CD163: variants seen among roughly 807,000 people sequenced by gnomAD.
CD163 encodes the protein CD163 molecule.
In CD163, 64 loss-of-function variants were observed where a neutral mutation model predicts 129.2. The ratio of observed to expected loss-of-function variants is 0.50; its 90% CI spans 0.41 to 0.61. The LOEUF (loss-of-function observed/expected upper bound fraction) is 0.61. Ranked by LOEUF, CD163 falls within the 20% of genes least tolerant of loss-of-function variation. CD163 has a pLI of 0.00. For synonymous variants in CD163, 446 were observed against 478.5 expected, an observed-to-expected ratio of 0.93 and a Z score of 0.89; for missense variants, 1,061 against 1,377.9, an observed-to-expected ratio of 0.77 and a Z score of 3.64.
In CD163 at chr12:7,502,539, C is replaced by G; in HGVS notation, c.72G>C (p.Leu24Phe). The G allele has an allele frequency of 6.3e-7, 1 of 1,592,802 alleles. No homozygotes were observed. Among genetic ancestry groups the G allele is most frequent in the Non-Finnish European group, 8.6e-7 (1 of 1,164,652 alleles). Residue 24 changes from leucine (L) to phenylalanine (F), a missense_variant, in exon 2 of 17, where the codon TTG (leucine) becomes TTC (phenylalanine). Coordinates refer to ENST00000432237, the MANE Select transcript of CD163 (RefSeq NM_203416.4). ...AGACCACAGTAATGGTGAAGGGACT[C>G]AAGTTGACAAAATGTCTTCTGAAGT... The part of the protein sequence containing the change: ...SADFRRHFVN[L>F]SPFTITVVLL...
At chr12:7,480,702 C>CA (rs1033654614) in intron 15 of CD163, 16 of 228,460 alleles carry the variant, frequency 7.0e-5, no homozygotes, top group Admixed American at 6.3e-4. Context: ...AAGAACAACA[C>CA]AAAAAAGGGT....
intron 16 of CD163, chr12:7,473,325 A>C (rs2136679361): frequency 6.6e-6 from 1 of 152,338 alleles, no homozygotes; most frequent in Non-Finnish European, 1.5e-5. Context: ...CACCAGAGAG[A>C]AACGTCAGGT....
chr12:7,498,946 C>G lies in CD163; in HGVS notation c.700G>C (p.Ala234Pro). The G allele has an allele frequency of 6.2e-7, 1 of 1,614,114 alleles. No individual in the cohort carries two copies. Among genetic ancestry groups the G allele is most frequent in the Non-Finnish European group, 8.5e-7 (1 of 1,180,004 alleles). The stretch of plus-strand genomic sequence containing the variant: ...CCTTGATGTTTGCAGTTCCAGAGAG[C>G]TGACTCATTTCCGTTGCATATAAGA... ...DDLICNGNESALWNCKHQGWG... is the reference protein window; with the variant it reads ...DDLICNGNESPLWNCKHQGWG... The change falls in exon 4 of 17, where the codon GCT becomes CCT. Residue 234 changes from alanine (A) to proline (P), a missense_variant. Physicochemically the swap from Ala to Pro is conservative, Grantham distance 27. Coordinates refer to ENST00000432237, the MANE Select transcript of CD163 (RefSeq NM_203416.4).
At chr12:7,501,587 TA>T in intron 2 of CD163, 125 bp from the exon 3 acceptor site, 1 of 679,518 alleles carries the variant, frequency 1.5e-6, no homozygotes, top group Non-Finnish European at 2.5e-6. Context: ...CTATCCATGG[TA>T]AAACAGAAGA....
intron 4 of CD163, among the ~76,000 whole-genome samples, chr12:7,497,914 C>A (rs12315251): frequency 1.8e-4 from 27 of 152,226 alleles, no homozygotes; most frequent in East Asian, 9.7e-4. Flanking sequence ...TGTAGGAGTT[C>A]CATTCATTGT....
chr12:7,475,822 G>A (rs757057688), intron 16 of CD163, among the ~76,000 whole-genome samples: 1 of 152,128 alleles, frequency 6.6e-6, no homozygotes. Context: ...TGACATAATT[G>A]TATATTTAGA....
Position 7,479,927 on chromosome 12 carries a change from G to C in CD163, c.3344-14C>G. 1.2e-6 allele frequency: 2 copies of C among 1,612,366 alleles called. No homozygotes were observed. Among genetic ancestry groups the C allele is most frequent in the Non-Finnish European group, 1.7e-6 (2 of 1,179,244 alleles). On this transcript the variant is annotated splice_polypyrimidine_tract_variant and intron_variant, in intron 15 of 16. Transcript: ENST00000432237. Reference sequence around the variant, plus strand: ...CAGAATGGCCTCCTTTTCCATTCCAGAAATAGGAAGAAATTTAGACACAGA... The same window carrying C: ...CAGAATGGCCTCCTTTTCCATTCCACAAATAGGAAGAAATTTAGACACAGA...
chr12:7,500,857 G>A (rs1479177597), intron 3 of CD163, among the ~76,000 whole-genome samples: 1 of 152,048 alleles, frequency 6.6e-6, no homozygotes, highest in African/African-American at 2.4e-5. Context: ...GTTACAGTAA[G>A]CTTACTGAAT....
At chr12:7,475,390 C>A (rs955678090) in intron 16 of CD163, among the ~76,000 whole-genome samples, 5 of 152,100 alleles carry the variant, frequency 3.3e-5, no homozygotes, top group African/African-American at 1.2e-4. Flanking sequence ...GCTTATCCAC[C>A]ACAATCAAGT....
At chr12:7,473,671 G>C (rs1949039885) in intron 16 of CD163, among the ~76,000 whole-genome samples, 1 of 152,118 alleles carries the variant, frequency 6.6e-6, no homozygotes, top group Admixed American at 6.5e-5. Context: ...ATCAACTAAT[G>C]TGCAAAATAA....
intron 6 of CD163, among the ~76,000 whole-genome samples, chr12:7,488,984 C>T (rs1366634968): frequency 6.6e-6 from 1 of 152,130 alleles, no homozygotes; most frequent in Non-Finnish European, 1.5e-5. Flanking sequence ...ATTTAACAAA[C>T]ATTATTTCAT....
At position 7,503,163 on chromosome 12, in the gene CD163, C is replaced by T. The variant is rs118078722; in HGVS notation, c.46+482G>A. Among the ~76,000 whole-genome samples, 1,097 of 152,260 alleles carry T rather than the reference C, an allele frequency of 7.2e-3. 5 individuals are homozygous for T. The highest frequency in any genetic ancestry group is 0.013 in the Non-Finnish European group (857 of 68,016). On this transcript the variant is annotated intron_variant, in intron 1 of 16. Coordinates refer to ENST00000432237, the MANE Select transcript of CD163 (RefSeq NM_203416.4). ...TTGTCATCTCTACCTGTATCCTTAT[C>T]ACATAATACACTCTTTAATGCTGTT... is the stretch of plus-strand genomic sequence containing the variant.
Position 7,503,727 on chromosome 12 carries a change from C to G in CD163, c.-37G>C. The G allele has an allele frequency of 7.8e-7, 1 of 1,284,534 alleles. No individual in the cohort carries two copies. The highest frequency in any genetic ancestry group is 1.1e-6 in the Non-Finnish European group (1 of 893,948). 79.6% of individuals were successfully genotyped at this position (1,284,534 alleles called of 1,614,324 possible). ...ATAACTTCAATGATTCCTAAATCTT[C>G]TTGTATTATTCCCTAGAAATGTTCT... On this transcript the variant is annotated 5_prime_UTR_variant, in exon 1 of 17. Transcript: ENST00000432237.
In CD163 at chr12:7,485,797, C is replaced by T. The variant is rs989193762; in HGVS notation, c.2459-381G>A. Among the ~76,000 whole-genome samples the T allele has an allele frequency of 2.0e-5, 3 of 152,084 alleles. No homozygotes were observed. The highest frequency in any genetic ancestry group is 2.9e-5 in the Non-Finnish European group (2 of 68,008). ...ACTAAAATCAATGTTTTGTGTACAT[C>T]TCTTAAAATGACAGTTCATTTGCTG... On this transcript the variant is annotated intron_variant, in intron 10 of 16. Coordinates refer to ENST00000432237, the MANE Select transcript of CD163 (RefSeq NM_203416.4). This position sits in a 1 kb window ranked among gnomAD's most constrained non-coding sequence, Gnocchi z 4.5.
chr12:7,495,459 A>T, intron 5 of CD163, 58 bp from the exon 6 acceptor site: 2 of 1,484,190 alleles, frequency 1.3e-6, no homozygotes, highest in Non-Finnish European at 1.8e-6. Flanking sequence ...CTTCCAGAGG[A>T]TTTTTTTTTG....
chr12:7,495,231 A>G lies in CD163; in HGVS notation c.1270T>C (p.Tyr424His), dbSNP rs764425288. The G allele has an allele frequency of 4.3e-6, 7 of 1,614,134 alleles. No homozygotes were observed. The Admixed American group carries it at 1.0e-4, about 23-fold the overall frequency. ...LGCGSALKTS[Y>H]QVYSKIQATN... Reference sequence around the variant, plus strand: ...GCCTGGATTTTGGAGTACACTTGATAAGATGTTTTGAGTGCAGATCCACAT... The same window carrying G: ...GCCTGGATTTTGGAGTACACTTGATGAGATGTTTTGAGTGCAGATCCACAT... Residue 424 changes from tyrosine (Y) to histidine (H), a missense_variant, in exon 6 of 17, where the codon TAT (tyrosine) becomes CAT (histidine). Physicochemically the swap from Tyr to His is moderately conservative, Grantham distance 83 (BLOSUM62 2). Coordinates refer to ENST00000432237, the MANE Select transcript of CD163 (RefSeq NM_203416.4).
chr12:7,475,470 A>C (rs1226398435), intron 16 of CD163, among the ~76,000 whole-genome samples: 1 of 152,252 alleles, frequency 6.6e-6, no homozygotes. Flanking sequence ...TCATATAAAC[A>C]GAACAAATCA....
At chr12:7,500,172 G>A (rs1270276825) in intron 3 of CD163, among the ~76,000 whole-genome samples, 2 of 151,850 alleles carry the variant, frequency 1.3e-5, no homozygotes, top group Admixed American at 6.6e-5. Context: ...TGTAATCCCA[G>A]GATTTTGGGA....
Position 7,497,112 on chromosome 12 carries a change from C to T in CD163, c.800G>A (p.Arg267Lys). The T allele has an allele frequency of 6.2e-7, 1 of 1,614,008 alleles. No individual in the cohort carries two copies. Among genetic ancestry groups the T allele is most frequent in the Non-Finnish European group, 8.5e-7 (1 of 1,179,936 alleles). ...ACATTCAGTGACTCCATCTACCAGT[C>T]TCAGGCTCAGATCTGCTCCCTCTGT... ...ICSKGADLSL[R>K]LVDGVTECSG... Residue 267 changes from arginine (R) to lysine (K), a missense_variant, in exon 5 of 17, where the codon AGA (arginine) becomes AAA (lysine). Transcript: ENST00000432237.
Sources: allele counts gnomAD v4.1 joint callset (sites outside exome capture counted in the v4.1 genomes callset), GRCh38; gene constraint gnomAD v4.1.1; non-coding constraint Gnocchi (gnomAD v3.1); transcripts MANE v1.5; gene names NCBI Gene and HGNC (gene_info 2026-07-23, HGNC 2026-07-21).